CNTNAP2: variants seen among roughly 807,000 people sequenced by gnomAD.
CNTNAP2 encodes the protein contactin associated protein 2.
In CNTNAP2, 98 loss-of-function variants were observed where a neutral mutation model predicts 155.2. That is an observed-to-expected ratio of 0.63 (90% CI 0.54 to 0.75). The LOEUF is 0.75. Ranked by LOEUF, CNTNAP2 falls within the 30% of genes least tolerant of loss-of-function variation. The pLI is 0.00. For synonymous variants in CNTNAP2, 651 were observed against 631.2 expected, an observed-to-expected ratio of 1.03 and a Z score of -0.47; for missense variants, 1,727 against 1,688.1, an observed-to-expected ratio of 1.02 and a Z score of -0.40.
At chr7:147,037,089 A>G (rs1799164477) in intron 3 of CNTNAP2, among the ~76,000 whole-genome samples, 1 of 152,162 alleles carries the variant, frequency 6.6e-6, no homozygotes. Flanking sequence ...ATCACAAAAG[A>G]AGCTTGATTT....
At chr7:148,285,077 C>G (rs1325746476) in intron 21 of CNTNAP2, among the ~76,000 whole-genome samples, 2 of 152,098 alleles carry the variant, frequency 1.3e-5, no homozygotes, top group Non-Finnish European at 2.9e-5. Context: ...GTGAATAATC[C>G]TGCTATAAAA....
intron 13 of CNTNAP2, among the ~76,000 whole-genome samples, chr7:147,873,065 G>T (rs916747365): frequency 3.3e-5 from 5 of 152,150 alleles, no homozygotes; most frequent in African/African-American, 9.7e-5. Context: ...TTAATTGATT[G>T]TACTTATACA....
intron 1 of CNTNAP2, among the ~76,000 whole-genome samples, chr7:146,269,300 A>G (rs894981323): frequency 1.3e-5 from 2 of 152,174 alleles, no homozygotes; most frequent in Non-Finnish European, 1.5e-5. Context: ...AGATGGCGCC[A>G]CTGCATTCCA....
intron 1 of CNTNAP2, among the ~76,000 whole-genome samples, chr7:146,236,558 T>G (rs937523719): frequency 6.6e-6 from 1 of 152,202 alleles, no homozygotes; most frequent in Non-Finnish European, 1.5e-5. Context: ...TGAGGCTAGG[T>G]TGTGCTGCAT....
At chr7:148,055,285 C>T (rs1281140675) in intron 15 of CNTNAP2, among the ~76,000 whole-genome samples, 3 of 152,304 alleles carry the variant, frequency 2.0e-5, no homozygotes, top group South Asian at 2.1e-4. Flanking sequence ...AAATAGTCCT[C>T]CTGATGGTAA....
intron 2 of CNTNAP2, among the ~76,000 whole-genome samples, chr7:146,812,571 A>C (rs1309165684): frequency 1.3e-5 from 2 of 151,980 alleles, no homozygotes; most frequent in African/African-American, 4.8e-5. Flanking sequence ...AGAAATTTCT[A>C]AGTGGCAAAG....
chr7:148,174,048 C>T (rs911474774), intron 18 of CNTNAP2, among the ~76,000 whole-genome samples: 8 of 152,328 alleles, frequency 5.3e-5, no homozygotes, highest in Middle Eastern at 3.4e-3. Context: ...AGTGAAATGA[C>T]GCCTGTGTGT....
At chr7:147,922,369 C>T (rs961184945) in intron 14 of CNTNAP2, among the ~76,000 whole-genome samples, 9 of 152,154 alleles carry the variant, frequency 5.9e-5, no homozygotes, top group African/African-American at 1.9e-4. Flanking sequence ...ACATGGCAGC[C>T]CTCTGAGGAG....
intron 19 of CNTNAP2, among the ~76,000 whole-genome samples, chr7:148,223,822 A>G (rs774710354): frequency 2.6e-5 from 4 of 152,184 alleles, no homozygotes; most frequent in Admixed American, 6.5e-5. Flanking sequence ...ACAGAAAAGA[A>G]AAAAAAGAGA....
intron 21 of CNTNAP2, among the ~76,000 whole-genome samples, chr7:148,276,417 A>C (rs6943516): frequency 7.2e-5 from 11 of 152,312 alleles, no homozygotes; most frequent in South Asian, 2.1e-4. Flanking sequence ...TGTCCCAACC[A>C]AGGCAGGAGG....
At chr7:147,097,735 A>G (rs1159265952) in intron 4 of CNTNAP2, 3 of 152,256 alleles carry the variant, frequency 2.0e-5, no homozygotes, top group African/African-American at 7.2e-5. Flanking sequence ...AGGATAGCGC[A>G]TAGAAATTTT....
intron 18 of CNTNAP2, among the ~76,000 whole-genome samples, chr7:148,179,314 G>T (rs1029414900): frequency 1.3e-5 from 2 of 152,152 alleles, no homozygotes; most frequent in Non-Finnish European, 2.9e-5. Flanking sequence ...TTCAAGACCA[G>T]CCTGGGCAAC....
In CNTNAP2 at chr7:146,438,298, A is replaced by G. The variant is rs549854139; in HGVS notation, c.97+321325A>G. 5.4e-3 allele frequency among the ~76,000 whole-genome samples: 798 copies of G among 147,986 alleles called. 9 individuals are homozygous for G. The highest frequency in any genetic ancestry group is 9.0e-3 in the Non-Finnish European group (605 of 67,136). ...ATCCATAGAAGCTTTTTTTTTTTTT[A>G]AAGAGTCTATTCATATCCCCTTGAT... On this transcript the variant is annotated intron_variant, in intron 1 of 23. Transcript: ENST00000361727.
At chr7:147,083,567 CAT>C (rs1188348260) in intron 4 of CNTNAP2, among the ~76,000 whole-genome samples, 5 of 140,224 alleles carry the variant, frequency 3.6e-5, no homozygotes, top group South Asian at 4.4e-4. Context: ...TATATATACA[CAT>C]ATATATGTAT....
intron 13 of CNTNAP2, among the ~76,000 whole-genome samples, chr7:147,892,459 T>A (rs1799709868): frequency 6.6e-6 from 1 of 152,220 alleles, no homozygotes; most frequent in Non-Finnish European, 1.5e-5. Flanking sequence ...TGTAAAGGAA[T>A]GAGCCAGGAT....
rs10657103 is a variant in CNTNAP2, at chr7:148,228,827, CAAAA to C, written c.3248-806_3248-803del. On this transcript the variant is annotated intron_variant, in intron 19 of 23. Coordinates refer to ENST00000361727, the MANE Select transcript of CNTNAP2 (RefSeq NM_014141.6). ...TGGGCGACAGAGCGAGACTCTGTTT[CAAAA>C]AAAAAAAAAAAACTATGTTTATTTT... Among the ~76,000 whole-genome samples the C allele has an allele frequency of 7.2e-3, 850 of 118,700 alleles. 15 individuals are homozygous for C. The highest frequency in any genetic ancestry group is 0.026 in the African/African-American group (788 of 30,554). 77.9% of individuals were successfully genotyped at this position (118,700 alleles called of 152,430 possible).
At chr7:147,657,830 C>T (rs1189896747) in intron 13 of CNTNAP2, among the ~76,000 whole-genome samples, 1 of 152,178 alleles carries the variant, frequency 6.6e-6, no homozygotes, top group East Asian at 1.9e-4. Context: ...AACTTCTTAG[C>T]ATAGTGTAAA....
At chr7:147,687,304 G>A (rs1245797788) in intron 13 of CNTNAP2, among the ~76,000 whole-genome samples, 1 of 152,118 alleles carries the variant, frequency 6.6e-6, no homozygotes, top group Non-Finnish European at 1.5e-5. Flanking sequence ...GCATTGCCTT[G>A]TATACAAGTA....
chr7:146,955,447 C>T (rs1395194188), intron 3 of CNTNAP2, among the ~76,000 whole-genome samples: 1 of 151,852 alleles, frequency 6.6e-6, no homozygotes, highest in African/African-American at 2.4e-5. Context: ...GTGAAAAAGA[C>T]ACTAGAAACA....
Sources: gnomAD v4.1 joint callset for allele counts (sites outside exome capture counted in the v4.1 genomes callset) on GRCh38, gnomAD v4.1.1 for gene constraint, MANE v1.5 for transcripts, NCBI Gene and HGNC (gene_info 2026-07-23, HGNC 2026-07-21) for gene names.